PTPRG: variants seen among roughly 807,000 people sequenced by gnomAD.
PTPRG encodes protein tyrosine phosphatase receptor type G.
A neutral mutation model predicts 165.3 loss-of-function variants in PTPRG; 102 were observed. The observed-to-expected ratio is 0.62, with a 90% CI of 0.53 to 0.73. PTPRG has a LOEUF of 0.73. PTPRG is among the 30% of genes least tolerant of loss of function. The probability of loss-of-function intolerance (pLI) is 0.00; values close to 1 mark genes in which losing one functional copy is unlikely to be tolerated. For missense variants in PTPRG, 1,866 were observed against 1,861.4 expected, an observed-to-expected ratio of 1.00 and a Z score of -0.05; for synonymous variants, 675 against 669.5, an observed-to-expected ratio of 1.01 and a Z score of -0.13.
At chr3:61,883,225 T>C (rs1465502357) in intron 2 of PTPRG, among the ~76,000 whole-genome samples, 2 of 152,154 alleles carry the variant, frequency 1.3e-5, no homozygotes, top group African/African-American at 4.8e-5. Flanking sequence ...GATGAAAAAA[T>C]TATTTGCTGA....
At chr3:61,786,412 A>G (rs2107106797) in intron 2 of PTPRG, among the ~76,000 whole-genome samples, 1 of 152,286 alleles carries the variant, frequency 6.6e-6, no homozygotes, top group East Asian at 1.9e-4. Context: ...GCTTGACTTG[A>G]TACCTTGAGC....
chr3:61,976,970 C>G (rs1475104586), intron 2 of PTPRG, among the ~76,000 whole-genome samples: 1 of 151,990 alleles, frequency 6.6e-6, no homozygotes, highest in Non-Finnish European at 1.5e-5. Context: ...GCCACCGCGC[C>G]CAGCTTATAG....
At chr3:61,940,330 C>A (rs1472958984) in intron 2 of PTPRG, among the ~76,000 whole-genome samples, 1 of 152,140 alleles carries the variant, frequency 6.6e-6, no homozygotes, top group Non-Finnish European at 1.5e-5. Context: ...CCTTTCCTAG[C>A]AAAATACTGA....
chr3:62,211,953 TTTTC>T (rs1317455565), intron 12 of PTPRG, among the ~76,000 whole-genome samples: 2 of 151,858 alleles, frequency 1.3e-5, no homozygotes, highest in Non-Finnish European at 2.9e-5. Flanking sequence ...ACTGTTTTTC[TTTTC>T]TTTTTTTTTT....
rs142328142 is a variant in PTPRG, at chr3:62,072,834, A to G, written c.520-5329A>G. The stretch of plus-strand genomic sequence containing the variant: ...AAACCCAAAGTATTCTATTTCAACT[A>G]TGTTTGGAAAATACTGAGTTAAAGT... On this transcript the variant is annotated intron_variant, in intron 4 of 29. Transcript: ENST00000474889. Among the ~76,000 whole-genome samples the G allele has an allele frequency of 1.5e-3, 231 of 152,286 alleles. 4 individuals are homozygous for G. The highest frequency in any genetic ancestry group is 0.012 in the South Asian group (56 of 4,820).
chr3:62,026,045 T>G (rs757474223), intron 4 of PTPRG, among the ~76,000 whole-genome samples: 6 of 152,220 alleles, frequency 3.9e-5, no homozygotes, highest in Non-Finnish European at 8.8e-5. Context: ...ACCTAGGCAT[T>G]AAAGTATGCA....
chr3:62,157,732 T>C (rs1249594914), intron 7 of PTPRG, among the ~76,000 whole-genome samples: 1 of 152,186 alleles, frequency 6.6e-6, no homozygotes, highest in East Asian at 1.9e-4. Context: ...TGCCATGGTG[T>C]CTGATTCCAA....
At chr3:61,881,592 AAGTT>A (rs1490213424) in intron 2 of PTPRG, among the ~76,000 whole-genome samples, 2 of 152,238 alleles carry the variant, frequency 1.3e-5, no homozygotes, top group East Asian at 3.8e-4. Context: ...TTCCATGAGC[AAGTT>A]AGTAATACAG....
intron 1 of PTPRG, among the ~76,000 whole-genome samples, chr3:61,614,224 C>A (rs896698452): frequency 3.3e-5 from 5 of 152,080 alleles, no homozygotes; most frequent in Admixed American, 1.3e-4. Context: ...GCCTCCCCAT[C>A]CTTCTGTTAG....
At chr3:61,943,314 C>T (rs1198049157) in intron 2 of PTPRG, among the ~76,000 whole-genome samples, 5 of 152,164 alleles carry the variant, frequency 3.3e-5, no homozygotes, top group South Asian at 2.1e-4. Flanking sequence ...ATAGGCTGGA[C>T]GTGGTGGCTC....
intron 10 of PTPRG, among the ~76,000 whole-genome samples, chr3:62,197,282 T>TC (rs1264494557): frequency 2.0e-5 from 3 of 151,586 alleles, no homozygotes; most frequent in Non-Finnish European, 4.4e-5. Flanking sequence ...TATGTATAAA[T>TC]CCCCCCCTTA....
intron 3 of PTPRG, among the ~76,000 whole-genome samples, chr3:61,993,664 A>G (rs1260102225): frequency 6.6e-6 from 1 of 152,230 alleles, no homozygotes; most frequent in Non-Finnish European, 1.5e-5. Context: ...CATGTATCAT[A>G]AGCCACATGG....
chr3:61,943,260 T>C (rs1291118773), intron 2 of PTPRG, among the ~76,000 whole-genome samples: 1 of 152,224 alleles, frequency 6.6e-6, no homozygotes, highest in Non-Finnish European at 1.5e-5. Context: ...CCATATCAGT[T>C]GTTGTGAACC....
At chr3:61,758,823 C>G (rs768194207) in intron 2 of PTPRG, among the ~76,000 whole-genome samples, 1 of 152,038 alleles carries the variant, frequency 6.6e-6, no homozygotes, top group Non-Finnish European at 1.5e-5. Context: ...GTAAGAAGAA[C>G]GTAAGGAGGA....
intron 5 of PTPRG, 59 bp downstream of exon 5, chr3:62,078,317 C>T (rs1429603059): frequency 6.7e-6 from 8 of 1,199,538 alleles, no homozygotes; most frequent in Admixed American, 2.3e-5. Context: ...TTTTAATTTG[C>T]CGAATTGTTC....
At chr3:61,652,919 CT>C (rs1702396467) in intron 1 of PTPRG, among the ~76,000 whole-genome samples, 3 of 152,184 alleles carry the variant, frequency 2.0e-5, no homozygotes, top group East Asian at 1.9e-4. Flanking sequence ...GGTCAGAAGC[CT>C]GTTTGGCAGC....
intron 2 of PTPRG, among the ~76,000 whole-genome samples, chr3:61,762,051 C>A (rs1457541512): frequency 6.6e-6 from 1 of 152,104 alleles, no homozygotes; most frequent in African/African-American, 2.4e-5. Flanking sequence ...TGGACTAGCA[C>A]CTGCAAAGAT....
At chr3:62,141,839 G>C (rs771840904) in intron 6 of PTPRG, among the ~76,000 whole-genome samples, 1 of 151,294 alleles carries the variant, frequency 6.6e-6, no homozygotes, top group African/African-American at 2.4e-5. Flanking sequence ...AACCCAGGAG[G>C]TTGAGGCTGC....
intron 2 of PTPRG, among the ~76,000 whole-genome samples, chr3:61,924,435 A>G (rs2039155619): frequency 1.3e-5 from 2 of 152,254 alleles, no homozygotes; most frequent in Admixed American, 6.5e-5. Context: ...AGCACATTCT[A>G]AATAAATGCC....
Sources: gnomAD v4.1 joint callset for allele counts (sites outside exome capture counted in the v4.1 genomes callset) on GRCh38, gnomAD v4.1.1 for gene constraint, MANE v1.5 for transcripts, NCBI Gene and HGNC (gene_info 2026-07-23, HGNC 2026-07-21) for gene names.